BRF1: variants seen among roughly 807,000 people sequenced by gnomAD.
The protein encoded by BRF1 is transcription factor IIIB 90 kDa subunit.
A neutral mutation model predicts 81.7 loss-of-function variants in BRF1; 59 were observed. That is an observed-to-expected ratio of 0.72 (90% CI 0.59 to 0.90). BRF1 has a LOEUF of 0.90. Ranked by LOEUF, BRF1 falls within the 40% of genes least tolerant of loss-of-function variation. The probability of loss-of-function intolerance (pLI) is 0.00; values close to 1 mark genes in which losing one functional copy is unlikely to be tolerated. For synonymous variants in BRF1, 491 were observed against 395.6 expected (o/e 1.24, Z -2.86); for missense variants, 1,050 against 936.3 (o/e 1.12, Z -1.58).
At chr14:105,283,830 G>C (rs1423371613) in intron 2 of BRF1, among the ~76,000 whole-genome samples, 3 of 152,116 alleles carry the variant, frequency 2.0e-5, no homozygotes, top group Admixed American at 6.5e-5. Flanking sequence ...GTCAGTAGAA[G>C]AAAAAAAGGA....
chr14:105,314,803 C>T, intron 1 of BRF1: 1 of 270,498 alleles, frequency 3.7e-6, no homozygotes, highest in Non-Finnish European at 5.6e-6. Context: ...CCGTCCCCTC[C>T]GCCGCCCGGC....
rs1451577360 is a variant in BRF1 at position 105,309,934 on chromosome 14, C to T, written c.-162+5388G>A. Among the ~76,000 whole-genome samples, 4 of 151,412 alleles carry T rather than the reference C, an allele frequency of 2.6e-5. No homozygotes were observed. Among genetic ancestry groups the T allele is most frequent in the East Asian group, 2.0e-4 (1 of 5,100 alleles). On this transcript the variant is annotated intron_variant, in intron 1 of 17. Coordinates refer to the BRF1 transcript ENST00000327359. This position sits in a 1 kb window ranked among gnomAD's most constrained non-coding sequence, Gnocchi z 4.0. ...CCGACTAGCTGGGACTACAGGCGCC[C>T]GCCACCACACCCGACTAATTTTTGT...
chr14:105,242,184 G>A (rs587702581), intron 5 of BRF1: 1 of 152,394 alleles, frequency 6.6e-6, no homozygotes, highest in East Asian at 1.9e-4. Context: ...AAATGCTTGA[G>A]GTGAAAGATG....
At chr14:105,218,716 C>T (rs1334319186) in intron 14 of BRF1, among the ~76,000 whole-genome samples, 1 of 152,222 alleles carries the variant, frequency 6.6e-6, no homozygotes, top group African/African-American at 2.4e-5. Context: ...AGCGTCCAGC[C>T]CCGAGTCTCG....
intron 12 of BRF1, 159 bp downstream of exon 12, chr14:105,219,910 G>T (rs1165421013): frequency 1.9e-5 from 14 of 751,116 alleles, no homozygotes; most frequent in East Asian, 5.4e-5. Context: ...GTGGGGGGGG[G>T]TCCCGGGAAC....
At chr14:105,259,247 C>T (rs751900809) in intron 3 of BRF1, among the ~76,000 whole-genome samples, 27 of 152,220 alleles carry the variant, frequency 1.8e-4, no homozygotes, top group Admixed American at 9.2e-4. Flanking sequence ...AGTTCAAGAC[C>T]GGCCTGGGCA....
At chr14:105,249,820 G>A (rs1240473565) in intron 5 of BRF1, 2 of 1,613,588 alleles carry the variant, frequency 1.2e-6, no homozygotes, top group Non-Finnish European at 1.7e-6. Flanking sequence ...AGGAGCCCGA[G>A]CTGACGCAGC....
intron 5 of BRF1, chr14:105,250,815 A>G (rs1566837183): frequency 1.1e-6 from 1 of 886,396 alleles, no homozygotes; most frequent in South Asian, 1.8e-5. Flanking sequence ...GTGTAGAGAC[A>G]TTTTCCACAC....
At chr14:105,226,514 C>A in intron 8 of BRF1, 120 bp downstream of exon 8, 1 of 1,542,176 alleles carries the variant, frequency 6.5e-7, no homozygotes, top group South Asian at 1.2e-5. Flanking sequence ...GGTCATAGCA[C>A]TGAAGAGCGG....
At chr14:105,251,882 G>C (rs757717337) in intron 5 of BRF1, among the ~76,000 whole-genome samples, 1 of 151,974 alleles carries the variant, frequency 6.6e-6, no homozygotes. Context: ...CTGCTGCCTC[G>C]AGGGAGAGAC....
chr14:105,266,523 C>T (rs1398742048), intron 3 of BRF1, among the ~76,000 whole-genome samples: 3 of 152,082 alleles, frequency 2.0e-5, no homozygotes, highest in Non-Finnish European at 2.9e-5. Flanking sequence ...TGATAAAATT[C>T]AGTATTTTTC....
chr14:105,240,837 A>G (rs1967639), intron 6 of BRF1, among the ~76,000 whole-genome samples: 5,169 of 33,756 alleles, frequency 0.15, 638 homozygotes, highest in Middle Eastern at 0.32. Flanking sequence ...CCACACCACT[A>G]TCCGCGTAGT....
intron 3 of BRF1, among the ~76,000 whole-genome samples, chr14:105,257,149 A>G (rs960712809): frequency 9.2e-5 from 14 of 152,176 alleles, no homozygotes; most frequent in Non-Finnish European, 2.9e-5. Context: ...AACAAACAGG[A>G]CCAAGAATGT....
At chr14:105,291,590 G>C (rs1457611695) in intron 1 of BRF1, among the ~76,000 whole-genome samples, 1 of 152,120 alleles carries the variant, frequency 6.6e-6, no homozygotes, top group African/African-American at 2.4e-5. Flanking sequence ...GCTGAGGCAG[G>C]AGAACTGCTT....
Position 105,300,795 on chromosome 14 carries a change from G to C in BRF1, c.-166C>G, listed in dbSNP as rs1380644404. On this transcript the variant is annotated 5_prime_UTR_variant, in exon 1 of 18. Coordinates refer to ENST00000547530, the MANE Select transcript of BRF1 (RefSeq NM_001519.4). ...AGCCGCAGATTCGCCGCGCGCGCCC[G>C]GGCCGCGCCGCCCGCAACGGCCGCG... 3 of 344,778 alleles carry C rather than the reference G, an allele frequency of 8.7e-6. No homozygotes were observed. The highest frequency in any genetic ancestry group is 1.1e-4 in the East Asian group (1 of 9,108). 21.4% of individuals were successfully genotyped at this position (344,778 alleles called of 1,614,324 possible).
intron 11 of BRF1, among the ~76,000 whole-genome samples, chr14:105,221,424 C>T (rs1034900551): frequency 2.6e-5 from 4 of 152,220 alleles, no homozygotes; most frequent in Non-Finnish European, 5.9e-5. Context: ...TGACGAGACT[C>T]ACTGCATTCT....
rs761933611 is a variant in BRF1 at position 105,226,621 on chromosome 14, A to C, written c.915+13T>G. 13 of 1,612,814 alleles carry C rather than the reference A, an allele frequency of 8.1e-6. No homozygotes were observed. The highest frequency in any genetic ancestry group is 2.2e-5 in the South Asian group (2 of 91,080). On this transcript the variant is annotated intron_variant, in intron 8 of 17. Transcript: ENST00000547530. ...GCAAGCCCAGCACAGACAGACACCA[A>C]AGCCGGCGCTACCTGCTTCATCCGC...
intron 5 of BRF1, chr14:105,249,383 C>A (rs1201877551): frequency 3.7e-6 from 6 of 1,612,264 alleles, no homozygotes; most frequent in Non-Finnish European, 5.1e-6. Context: ...TCGGCAGCTC[C>A]GTCTTCTATG....
chr14:105,220,069 CCT>C lies in BRF1; in HGVS notation c.1375_1376del (p.Arg459ValfsTer5), dbSNP rs1337848774. 6.2e-7 allele frequency: 1 copy of C among 1,612,578 alleles called. No individual in the cohort carries two copies. Among genetic ancestry groups the C allele is most frequent in the Non-Finnish European group, 8.5e-7 (1 of 1,180,008 alleles). On this transcript the variant is annotated frameshift_variant and splice_region_variant, in exon 12 of 18. Transcript: ENST00000547530. LOFTEE classifies it high-confidence loss of function. The stretch of plus-strand genomic sequence containing the variant: ...CTTGGGAAGGGGTGCTGCCACGTAC[CCT>C]GTCAATCTCCAGGTCATCAATGCCA... ...LSGIDDLEID[R>X]YILNESEARV...
Sources: gnomAD v4.1 joint callset for allele counts (sites outside exome capture counted in the v4.1 genomes callset) on GRCh38, gnomAD v4.1.1 for gene constraint, Gnocchi (gnomAD v3.1) non-coding constraint, MANE v1.5 for transcripts, NCBI Gene and HGNC (gene_info 2026-07-23, HGNC 2026-07-21) for gene names.